The following MYH11 variants were observed in gnomAD, a reference collection of about 807,000 sequenced individuals.
The protein encoded by MYH11 is myosin heavy chain 11.
Under a neutral mutation model 246.6 loss-of-function variants are expected in MYH11, and 80 were observed. The observed-to-expected ratio is 0.32, with a 90% CI of 0.27 to 0.39. The LOEUF (loss-of-function observed/expected upper bound fraction) is 0.39. MYH11 is among the 10% of genes least tolerant of loss of function. The probability of loss-of-function intolerance (pLI) is 1.00; values close to 1 mark genes in which losing one functional copy is unlikely to be tolerated. For synonymous variants in MYH11, 1,071 were observed against 1,015.5 expected (o/e 1.05, Z -1.04); for missense variants, 2,158 against 2,546.8 (o/e 0.85, Z 3.29).
intron 10 of MYH11, 55 bp downstream of exon 10, chr16:15,763,741 T>TGC: frequency 1.5e-6 from 1 of 646,862 alleles, no homozygotes; most frequent in Non-Finnish European, 2.9e-6. Context: ...AAATGTCACC[T>TGC]CCCCCACCCC....
At position 15,719,580 on chromosome 16, in the gene MYH11, T is replaced by G. The variant is rs1319840638; in HGVS notation, c.5082+5A>C. 1 of 1,614,130 alleles carries G rather than the reference T, an allele frequency of 6.2e-7. No homozygotes were observed. Among genetic ancestry groups the G allele is most frequent in the African/African-American group, 1.3e-5 (1 of 75,064 alleles). ...TGAGGCTCTCCTAGCAAGGCGAGGC[T>G]TTACCTCTTGTAGCTGCATGAGGTC... is the stretch of plus-strand genomic sequence containing the variant. On this transcript the variant is annotated splice_donor_5th_base_variant and intron_variant, in intron 35 of 40. Transcript: ENST00000300036.
rs2042378923 is a variant in MYH11, at chr16:15,782,431, G to T, written c.680C>A (p.Ala227Asp). The change falls in exon 6 of 41, where the codon GCT becomes GAT. Residue 227 changes from alanine to aspartate, a missense_variant. By Grantham distance (126) the Ala-to-Asp change is moderately radical. Coordinates refer to ENST00000300036, the MANE Select transcript of MYH11 (RefSeq NM_002474.3). ...CTTCACTGTTTTGGCGTTGCCGAAA[G>T]CCTCCAGAATCGGGTTTGCTTGTAG... ...QLLQANPILE[A>D]FGNAKTVKND... 1.2e-6 allele frequency: 2 copies of T among 1,614,082 alleles called. No homozygotes were observed. Among genetic ancestry groups the T allele is most frequent in the Non-Finnish European group, 1.7e-6 (2 of 1,180,046 alleles).
chr16:15,749,154 T>C (rs1337533304), intron 16 of MYH11: 1 of 151,098 alleles, frequency 6.6e-6, no homozygotes, highest in Non-Finnish European at 1.5e-5. Flanking sequence ...CTTTCCTTTT[T>C]TTTTTTTTTT....
chr16:15,747,382 C>T (rs1320608505), intron 19 of MYH11, among the ~76,000 whole-genome samples, 188 bp downstream of exon 19: 2 of 152,134 alleles, frequency 1.3e-5, no homozygotes, highest in East Asian at 3.9e-4. Context: ...AAACTCGTTC[C>T]CTTCCTGCAC....
At chr16:15,706,382 C>T (rs2039456737) in intron 40 of MYH11, among the ~76,000 whole-genome samples, 2 of 152,086 alleles carry the variant, frequency 1.3e-5, no homozygotes, top group Non-Finnish European at 2.9e-5. Context: ...ACACAGCTCT[C>T]TTCGTCACAG....
intron 27 of MYH11, among the ~76,000 whole-genome samples, chr16:15,732,018 A>G (rs2040977483): frequency 6.6e-6 from 1 of 150,790 alleles, no homozygotes; most frequent in African/African-American, 2.4e-5. Context: ...CTGGAGTGCA[A>G]TGGCATGATC....
At chr16:15,840,286 G>A (rs1347876891) in intron 1 of MYH11, among the ~76,000 whole-genome samples, 1 of 152,154 alleles carries the variant, frequency 6.6e-6, no homozygotes, top group Non-Finnish European at 1.5e-5. Context: ...CCAAGAGCTA[G>A]AAGAAGGACA....
intron 3 of MYH11, among the ~76,000 whole-genome samples, chr16:15,822,663 C>T (rs1248372929): frequency 1.3e-5 from 2 of 152,082 alleles, no homozygotes; most frequent in East Asian, 1.9e-4. Context: ...TGCAGGGAGC[C>T]GAGATGGCAC....
intron 28 of MYH11, chr16:15,726,603 G>C (rs535306189): frequency 6.9e-6 from 4 of 583,332 alleles, no homozygotes; most frequent in Non-Finnish European, 1.2e-5. Flanking sequence ...CCTGACCTCA[G>C]GTGATCCACC....
intron 3 of MYH11, among the ~76,000 whole-genome samples, chr16:15,804,948 G>A (rs2042975835): frequency 6.6e-6 from 1 of 152,160 alleles, no homozygotes; most frequent in South Asian, 2.1e-4. Flanking sequence ...TGGCTATTCT[G>A]CATAGTGCTG....
chr16:15,819,038 C>G (rs1168709363), intron 3 of MYH11, among the ~76,000 whole-genome samples: 1 of 151,968 alleles, frequency 6.6e-6, no homozygotes, highest in Non-Finnish European at 1.5e-5. Context: ...CGCACTGTGG[C>G]CAGCTAATTA....
At chr16:15,742,998 CTT>C (rs57274938) in intron 20 of MYH11, among the ~76,000 whole-genome samples, 9,420 of 131,054 alleles carry the variant, frequency 0.072, 731 homozygotes, top group African/African-American at 0.2. Context: ...AGGTAGAAGT[CTT>C]TTTTTTTTTT....
At chr16:15,842,207 G>A (rs2044070851) in intron 1 of MYH11, among the ~76,000 whole-genome samples, 2 of 152,124 alleles carry the variant, frequency 1.3e-5, no homozygotes, top group Admixed American at 1.3e-4. Context: ...GCCAACATGT[G>A]AAACCCCATC....
chr16:15,821,089 C>G (rs752451005), intron 3 of MYH11, among the ~76,000 whole-genome samples: 4 of 152,198 alleles, frequency 2.6e-5, no homozygotes, highest in Non-Finnish European at 4.4e-5. Context: ...CCAGGCTGGT[C>G]TCGAACTCAT....
Position 15,849,725 on chromosome 16 carries a change from T to TACA in MYH11, c.-18+7213_-18+7215dup, listed in dbSNP as rs1457304281. Among the ~76,000 whole-genome samples, 4 of 152,250 alleles carry TACA rather than the reference T, an allele frequency of 2.6e-5. No homozygotes were observed. The East Asian group carries it at 7.7e-4, about 29-fold the overall frequency. On this transcript the variant is annotated intron_variant, in intron 1 of 40. Coordinates refer to ENST00000300036, the MANE Select transcript of MYH11 (RefSeq NM_002474.3). ...CCTCAGCCTCCCAAAGTGCTAGGAT[T>TACA]ACAAGCATGAGCCACCGCGCCCAGG...
intron 3 of MYH11, among the ~76,000 whole-genome samples, chr16:15,822,011 T>C (rs1413178270): frequency 1.3e-5 from 2 of 152,126 alleles, no homozygotes; most frequent in Non-Finnish European, 2.9e-5. Flanking sequence ...TTTGCAAGGC[T>C]CCACCTGCTG....
At chr16:15,787,624 C>A (rs918620443) in intron 4 of MYH11, among the ~76,000 whole-genome samples, 5 of 151,698 alleles carry the variant, frequency 3.3e-5, no homozygotes, top group African/African-American at 1.2e-4. Context: ...CAGGCACCCA[C>A]CAGCACACTC....
At chr16:15,706,004 A>AAAAAAAAAAAAAAAT (rs1567671064) in intron 40 of MYH11, among the ~76,000 whole-genome samples, 3 of 150,900 alleles carry the variant, frequency 2.0e-5, no homozygotes, top group African/African-American at 7.3e-5. Flanking sequence ...AAAAAAAAAA[A>AAAAAAAAAAAAAAAT]ATCAAGGCCC....
At chr16:15,720,102 G>A (rs768929028) in intron 34 of MYH11, 49 bp downstream of exon 34, 1 of 1,612,768 alleles carries the variant, frequency 6.2e-7, no homozygotes, top group South Asian at 1.1e-5. Flanking sequence ...GGCCTGAGGG[G>A]AACTGTGCCC....
Sources: allele counts gnomAD v4.1 joint callset (sites outside exome capture counted in the v4.1 genomes callset), GRCh38; gene constraint gnomAD v4.1.1; transcripts MANE v1.5; gene names NCBI Gene and HGNC (gene_info 2026-07-23, HGNC 2026-07-21).